RBFOX3: variants seen among roughly 807,000 people sequenced by gnomAD.
RBFOX3 encodes the protein RNA binding fox-1 homolog 3, also known as RNA binding protein fox-1 homolog 3.
RBFOX3 carries 17 observed loss-of-function variants against 48.7 expected under a neutral mutation model. The ratio of observed to expected loss-of-function variants is 0.35; its 90% CI spans 0.24 to 0.52. The LOEUF (loss-of-function observed/expected upper bound fraction) is 0.52. Ranked by LOEUF, RBFOX3 falls within the 20% of genes least tolerant of loss-of-function variation. RBFOX3 has a pLI of 0.94. For missense variants in RBFOX3, 382 were observed against 497.5 expected (o/e 0.77, Z 2.21); for synonymous variants, 212 against 209.5 (o/e 1.01, Z -0.10).
In RBFOX3 at chr17:79,097,308, TG is replaced by T; in HGVS notation, c.738del (p.Ile247SerfsTer124). ...NTFRAAPPPP[P>X]IPTYGAALEQ... is the part of the protein sequence containing the mutation. ...GGTACTCACGCTCCGTAAGTCGGGA[TG>T]GGGGGTGGGGGTGGCGCAGCCCGAA... On this transcript the variant is annotated frameshift_variant, in exon 11 of 15. Coordinates refer to ENST00000693108, the MANE Select transcript of RBFOX3 (RefSeq NM_001350451.2). LOFTEE classifies it high-confidence loss of function. 1.3e-6 allele frequency: 2 copies of T among 1,541,548 alleles called. No individual in the cohort carries two copies. Among genetic ancestry groups the T allele is most frequent in the Non-Finnish European group, 1.8e-6 (2 of 1,141,878 alleles).
rs2066352843 is a variant in RBFOX3, at chr17:79,421,421, C to T, written c.-175+61033G>A. Among the ~76,000 whole-genome samples, 1 of 152,158 alleles carries T rather than the reference C, an allele frequency of 6.6e-6. No homozygotes were observed. Among genetic ancestry groups the T allele is most frequent in the African/African-American group, 2.4e-5 (1 of 41,450 alleles). ...AAGGAGGCTGGGCCTGGCTGCCTGC[C>T]AAGCCTAGGGGCCTCTCCAGAGCCC... On this transcript the variant is annotated intron_variant, in intron 2 of 14. Coordinates refer to ENST00000693108, the MANE Select transcript of RBFOX3 (RefSeq NM_001350451.2). This position sits in a 1 kb window ranked among gnomAD's most constrained non-coding sequence, Gnocchi z 4.5.
At chr17:79,353,440 A>G (rs537637940) in intron 2 of RBFOX3, among the ~76,000 whole-genome samples, 58 of 152,340 alleles carry the variant, frequency 3.8e-4, no homozygotes, top group Admixed American at 9.1e-4. Context: ...GGTGATGAGC[A>G]AGCTTTGTTT....
At chr17:79,547,392 T>C (rs1032245368) in intron 1 of RBFOX3, among the ~76,000 whole-genome samples, 1 of 151,936 alleles carries the variant, frequency 6.6e-6, no homozygotes, top group Non-Finnish European at 1.5e-5. Flanking sequence ...GAGGCGGAGG[T>C]TGCAGTGAGC....
chr17:79,616,582 AAC>A, the RBFOX3 span, among the ~76,000 whole-genome samples: 693 of 145,720 alleles, frequency 4.8e-3, 14 homozygotes, highest in East Asian at 0.059. Flanking sequence ...TCTCTATACA[AAC>A]ACACACACAC....
chr17:79,102,815 T>C (rs11868436), intron 8 of RBFOX3, among the ~76,000 whole-genome samples: 22,616 of 152,232 alleles, frequency 0.15, 2,182 homozygotes, highest in African/African-American at 0.26. Context: ...TGGGGATTAA[T>C]GGCTCCTTGG....
chr17:79,199,988 C>T lies in RBFOX3; in HGVS notation c.-34+35778G>A, dbSNP rs761984428. 2.0e-5 allele frequency among the ~76,000 whole-genome samples: 3 copies of T among 152,064 alleles called. No individual in the cohort carries two copies. Among genetic ancestry groups the T allele is most frequent in the Non-Finnish European group, 2.9e-5 (2 of 68,008 alleles). On this transcript the variant is annotated intron_variant, in intron 4 of 14. Transcript: ENST00000693108. The surrounding 1 kb of genome is among the most constrained non-coding windows in gnomAD (Gnocchi z 5.1). ...CCAGCCTGGCCAACATGGTGAAACT[C>T]CGTCTCTACCAAAAGTACAAAAAAA...
At chr17:79,318,546 GA>G (rs1315326697) in intron 2 of RBFOX3, among the ~76,000 whole-genome samples, 1 of 152,114 alleles carries the variant, frequency 6.6e-6, no homozygotes, top group African/African-American at 2.4e-5. Flanking sequence ...TTCATACTAA[GA>G]GTTGGATGTT....
At chr17:79,649,630 T>C in the RBFOX3 span, among the ~76,000 whole-genome samples, 2 of 152,306 alleles carry the variant, frequency 1.3e-5, no homozygotes, top group South Asian at 2.1e-4. Context: ...CACTTGAACC[T>C]GGGAGGCGGA....
the RBFOX3 span, among the ~76,000 whole-genome samples, chr17:79,658,074 C>T: frequency 2.0e-5 from 3 of 152,120 alleles, no homozygotes; most frequent in Non-Finnish European, 4.4e-5. Context: ...GTGGCCCCAA[C>T]ACAAGCAGCA....
chr17:79,327,815 C>A (rs551587660), intron 2 of RBFOX3, among the ~76,000 whole-genome samples: 1 of 152,318 alleles, frequency 6.6e-6, no homozygotes, highest in African/African-American at 2.4e-5. Flanking sequence ...CCTGCCTCAG[C>A]CTCCAGAGTA....
At chr17:79,168,454 C>T (rs578089735) in intron 4 of RBFOX3, among the ~76,000 whole-genome samples, 10 of 152,384 alleles carry the variant, frequency 6.6e-5, no homozygotes, top group Non-Finnish European at 1.3e-4. Context: ...TGTCATAGAT[C>T]CACAGCCTAA....
Position 79,425,993 on chromosome 17 carries a change from G to A in RBFOX3, c.-175+56461C>T, listed in dbSNP as rs1238821526. The stretch of plus-strand genomic sequence containing the variant: ...ACGCGGTGACCAGTGTAACACTGGA[G>A]GAATCACGGAGAGTGTGGAGGGGGA... On this transcript the variant is annotated intron_variant, in intron 2 of 14. Coordinates refer to ENST00000693108, the MANE Select transcript of RBFOX3 (RefSeq NM_001350451.2). 2.0e-5 allele frequency among the ~76,000 whole-genome samples: 3 copies of A among 152,166 alleles called. No homozygotes were observed. The East Asian group carries it at 5.8e-4, about 29-fold the overall frequency.
At chr17:79,350,833 C>T (rs1347730914) in intron 2 of RBFOX3, among the ~76,000 whole-genome samples, 1 of 152,210 alleles carries the variant, frequency 6.6e-6, no homozygotes, top group African/African-American at 2.4e-5. Context: ...TCTCTCTGAG[C>T]TCAGGCGCCC....
chr17:79,205,229 G>C lies in RBFOX3; in HGVS notation c.-34+30537C>G, dbSNP rs950731412. Among the ~76,000 whole-genome samples, 2 of 152,228 alleles carry C rather than the reference G, an allele frequency of 1.3e-5. No homozygotes were observed. Among genetic ancestry groups the C allele is most frequent in the African/African-American group, 4.8e-5 (2 of 41,542 alleles). ...GGACTAGCAGAAGTTTTGCAGGCAG[G>C]AGGATACATGGTTAGAGCAGACACT... On this transcript the variant is annotated intron_variant, in intron 4 of 14. Coordinates refer to ENST00000693108, the MANE Select transcript of RBFOX3 (RefSeq NM_001350451.2). This position sits in a 1 kb window ranked among gnomAD's most constrained non-coding sequence, Gnocchi z 4.5.
chr17:79,356,753 C>G (rs1488427920), intron 2 of RBFOX3, among the ~76,000 whole-genome samples: 1 of 151,890 alleles, frequency 6.6e-6, no homozygotes, highest in Non-Finnish European at 1.5e-5. Context: ...TAATTTCTTT[C>G]CTAAAATATG....
Position 79,164,980 on chromosome 17 carries a change from G to C in RBFOX3, c.-33-49232C>G, listed in dbSNP as rs150587906. Among the ~76,000 whole-genome samples, 32 of 152,292 alleles carry C rather than the reference G, an allele frequency of 2.1e-4. No homozygotes were observed. In the East Asian group the frequency reaches 5.8e-3, roughly 28 times the overall value. On this transcript the variant is annotated intron_variant, in intron 4 of 14. Coordinates refer to ENST00000693108, the MANE Select transcript of RBFOX3 (RefSeq NM_001350451.2). Reference sequence around the variant, plus strand: ...AAAATGAACCCTCAGAATAACATCTGCTAAGGAAAGACCAGACCACACGCT... The same window carrying C: ...AAAATGAACCCTCAGAATAACATCTCCTAAGGAAAGACCAGACCACACGCT...
At chr17:79,230,522 G>A (rs1288680848) in intron 4 of RBFOX3, among the ~76,000 whole-genome samples, 2 of 152,016 alleles carry the variant, frequency 1.3e-5, no homozygotes, top group African/African-American at 4.8e-5. Flanking sequence ...GCCTCCCAAA[G>A]TGCTGGGATT....
intron 4 of RBFOX3, among the ~76,000 whole-genome samples, chr17:79,170,006 AAAGAAGGAGGG>A (rs2048823333): frequency 6.6e-6 from 1 of 151,112 alleles, no homozygotes; most frequent in Admixed American, 6.6e-5. Context: ...AAGTGGGAGG[AAAGAAGGAGGG>A]AAGGGCAGGA....
chr17:79,285,930 A>C (rs2071760702), intron 3 of RBFOX3, among the ~76,000 whole-genome samples: 1 of 151,930 alleles, frequency 6.6e-6, no homozygotes, highest in Admixed American at 6.6e-5. Flanking sequence ...TGATCCACCT[A>C]CCTCGGCCTC....
Sources: gnomAD v4.1 joint callset for allele counts (sites outside exome capture counted in the v4.1 genomes callset) on GRCh38, gnomAD v4.1.1 for gene constraint, Gnocchi (gnomAD v3.1) non-coding constraint, MANE v1.5 for transcripts, NCBI Gene and HGNC (gene_info 2026-07-23, HGNC 2026-07-21) for gene names.